Variants in AZIN2 observed in about 807,000 individuals in gnomAD.
AZIN2 encodes the protein antizyme inhibitor 2.
Under a neutral mutation model 47.8 loss-of-function variants are expected in AZIN2, and 28 were observed. The observed-to-expected ratio is 0.59, with a 90% CI of 0.43 to 0.80. The LOEUF (loss-of-function observed/expected upper bound fraction) is 0.80. Ranked by LOEUF, AZIN2 falls within the 30% of genes least tolerant of loss-of-function variation. The pLI is 0.00. For synonymous variants in AZIN2, 221 were observed against 239.4 expected, an observed-to-expected ratio of 0.92 and a Z score of 0.71; for missense variants, 535 against 582.5, an observed-to-expected ratio of 0.92 and a Z score of 0.84.
At chr1:33,166,747 C>T in the AZIN2 span, among the ~76,000 whole-genome samples, 3 of 152,086 alleles carry the variant, frequency 2.0e-5, no homozygotes, top group African/African-American at 7.2e-5. Flanking sequence ...ACAACAAATC[C>T]ACAACACACA....
At chr1:33,154,108 A>G in the AZIN2 span, among the ~76,000 whole-genome samples, 1 of 152,260 alleles carries the variant, frequency 6.6e-6, no homozygotes, top group African/African-American at 2.4e-5. Context: ...GGCATGTGCA[A>G]ACGTGTAGAT....
the AZIN2 span, among the ~76,000 whole-genome samples, chr1:33,154,538 G>A: frequency 3.3e-5 from 5 of 151,996 alleles, no homozygotes; most frequent in Admixed American, 6.6e-5. Context: ...GGTGGCTCAC[G>A]CCTGTAATCC....
intron 10 of AZIN2, chr1:33,101,740 G>A (rs1421543748): frequency 1.5e-6 from 1 of 669,772 alleles, no homozygotes; most frequent in South Asian, 1.7e-5. Flanking sequence ...TTCCTCGAGT[G>A]TATTTATAAT....
chr1:33,096,798 C>T lies in AZIN2; in HGVS notation c.845C>T (p.Thr282Ile). ...IFAELGRYYV[T>I]SAFTVAVSII... ...GCTGAGCTGGGGCGCTACTACGTGA[C>T]CTCGGCCTTCACTGTGGCAGTCAGC... is the stretch of plus-strand genomic sequence containing the variant. Residue 282 changes from threonine (T) to isoleucine (I), a missense_variant, in exon 9 of 12, where the codon ACC becomes ATC. Physicochemically the swap from Thr to Ile is moderately conservative, Grantham distance 89. Coordinates refer to ENST00000294517, the MANE Select transcript of AZIN2 (RefSeq NM_052998.4). The T allele has an allele frequency of 6.2e-7, 1 of 1,614,214 alleles. No individual in the cohort carries two copies. The highest frequency in any genetic ancestry group is 1.1e-5 in the South Asian group (1 of 91,078).
the AZIN2 span, among the ~76,000 whole-genome samples, chr1:33,154,856 G>A: frequency 2.2e-3 from 327 of 151,504 alleles, 3 homozygotes; most frequent in African/African-American, 7.6e-3. Context: ...CACTTTGGGA[G>A]GCCAAGACGG....
chr1:33,082,675 T>C (rs1641416151), intron 4 of AZIN2: 1 of 231,786 alleles, frequency 4.3e-6, no homozygotes, highest in Admixed American at 5.1e-5. Flanking sequence ...TCCAGTGTGC[T>C]TATGTGGAAC....
At chr1:33,148,223 C>T in the AZIN2 span, among the ~76,000 whole-genome samples, 2 of 152,184 alleles carry the variant, frequency 1.3e-5, no homozygotes, top group African/African-American at 2.4e-5. Context: ...CTGCCCCACA[C>T]CTTCCCCGAC....
chr1:33,104,898 C>A (rs1216045002), intron 10 of AZIN2, among the ~76,000 whole-genome samples: 1 of 152,090 alleles, frequency 6.6e-6, no homozygotes, highest in Non-Finnish European at 1.5e-5. Context: ...GGGGTTTTGC[C>A]ATGTTGCCCA....
rs1442487346 is a variant in AZIN2, at chr1:33,082,164, C to T, written c.-72-14C>T. ...GCCCCCCAGCGGTTCCCTTCATCTC[C>T]CCTCGCCCCGCAGTGTGTTGCATAC... On this transcript the variant is annotated splice_polypyrimidine_tract_variant and intron_variant, in intron 3 of 11. Coordinates refer to ENST00000294517, the MANE Select transcript of AZIN2 (RefSeq NM_052998.4). 1 of 1,160,438 alleles carries T rather than the reference C, an allele frequency of 8.6e-7. No individual in the cohort carries two copies. The highest frequency in any genetic ancestry group is 1.3e-6 in the Non-Finnish European group (1 of 791,614). 71.9% of individuals were successfully genotyped at this position (1,160,438 alleles called of 1,614,324 possible). A position where few individuals can be genotyped will look rare whatever the true frequency, so the allele number is the denominator to read the frequency against.
At chr1:33,163,810 C>G in the AZIN2 span, 1 of 152,470 alleles carries the variant, frequency 6.6e-6, no homozygotes, top group Admixed American at 6.5e-5. Flanking sequence ...GAAATATGAC[C>G]TCCAAAGCAT....
At chr1:33,152,162 T>C in the AZIN2 span, among the ~76,000 whole-genome samples, 1 of 152,210 alleles carries the variant, frequency 6.6e-6, no homozygotes, top group Non-Finnish European at 1.5e-5. Context: ...AACTCTGAGG[T>C]AAGTGGCTTG....
In AZIN2 at chr1:33,096,887, A is replaced by G. The variant is rs773191385; in HGVS notation, c.916+18A>G. On this transcript the variant is annotated intron_variant, in intron 9 of 11. Coordinates refer to ENST00000294517, the MANE Select transcript of AZIN2 (RefSeq NM_052998.4). ...CAGGGAGGGTAGGTGCCAGGTGGGC[A>G]GTGGAGCCCTGTTCTCCCCTGAAGC... is the stretch of plus-strand genomic sequence containing the variant. The G allele has an allele frequency of 1.2e-6, 2 of 1,614,010 alleles. No homozygotes were observed. Among genetic ancestry groups the G allele is most frequent in the Admixed American group, 3.3e-5 (2 of 60,016 alleles).
Position 33,111,397 on chromosome 1 carries a change from T to C in AZIN2, c.1030-6505T>C, listed in dbSNP as rs139242285. On this transcript the variant is annotated intron_variant, in intron 10 of 11. Coordinates refer to ENST00000294517, the MANE Select transcript of AZIN2 (RefSeq NM_052998.4). ...TGATCAAGAATAGATGGTACAGCTA[T>C]TGAATGCCACGTTGAGATGTTAAAA... Among the ~76,000 whole-genome samples the C allele has an allele frequency of 2.4e-4, 36 of 152,316 alleles. No individual in the cohort carries two copies. The East Asian group carries it at 6.4e-3, about 27-fold the overall frequency.
downstream of AZIN2, among the ~76,000 whole-genome samples, chr1:33,124,334 C>T (rs1316609171): frequency 6.6e-6 from 1 of 151,836 alleles, no homozygotes; most frequent in Admixed American, 6.6e-5. This position sits in a 1 kb window ranked among gnomAD's most constrained non-coding sequence, Gnocchi z 4.6. Flanking sequence ...GTAGGGAGCC[C>T]GCTATGCTTC....
At chr1:33,154,627 G>A in the AZIN2 span, among the ~76,000 whole-genome samples, 8 of 151,736 alleles carry the variant, frequency 5.3e-5, no homozygotes, top group East Asian at 1.4e-3. Context: ...GTGAAACACC[G>A]TCTCTACTAA....
At chr1:33,107,428 A>T (rs893674311) in intron 10 of AZIN2, among the ~76,000 whole-genome samples, 1 of 152,090 alleles carries the variant, frequency 6.6e-6, no homozygotes, top group Admixed American at 6.5e-5. Flanking sequence ...AAAAATGCAG[A>T]AATTAGCTGG....
the AZIN2 span, chr1:33,158,244 A>G: frequency 9.9e-6 from 16 of 1,612,972 alleles, no homozygotes; most frequent in African/African-American, 1.3e-5. Flanking sequence ...ATGATAACCC[A>G]TGCCTTACCT....
chr1:33,133,209 A>T, the AZIN2 span, among the ~76,000 whole-genome samples: 1 of 152,232 alleles, frequency 6.6e-6, no homozygotes, highest in Non-Finnish European at 1.5e-5. Context: ...CAGATCCTGG[A>T]CAAGGGCAAC....
the AZIN2 span, among the ~76,000 whole-genome samples, chr1:33,136,727 C>T: frequency 6.6e-6 from 1 of 150,410 alleles, no homozygotes; most frequent in Non-Finnish European, 1.5e-5. Context: ...AGGCCGGGCA[C>T]GGTGGCTCAC....
Sources: allele counts gnomAD v4.1 joint callset (sites outside exome capture counted in the v4.1 genomes callset), GRCh38; gene constraint gnomAD v4.1.1; non-coding constraint Gnocchi (gnomAD v3.1); transcripts MANE v1.5; gene names NCBI Gene and HGNC (gene_info 2026-07-23, HGNC 2026-07-21).